Variants in NCKAP5 observed in about 807,000 individuals in gnomAD.
NCKAP5 encodes the protein NCK associated protein 5.
In NCKAP5, 92 loss-of-function variants were observed where a neutral mutation model predicts 167.0. The ratio of observed to expected loss-of-function variants is 0.55; its 90% CI spans 0.47 to 0.66. The LOEUF (loss-of-function observed/expected upper bound fraction) is 0.66, where lower values mean the gene tolerates loss of function less well. Ranked by LOEUF, NCKAP5 falls within the 30% of genes least tolerant of loss-of-function variation. NCKAP5 has a pLI of 0.00. For missense variants in NCKAP5, 2,378 were observed against 2,315.0 expected, an observed-to-expected ratio of 1.03 and a Z score of -0.56; for synonymous variants, 891 against 877.4, an observed-to-expected ratio of 1.02 and a Z score of -0.27.
At chr2:133,382,584 G>A (rs1686604491) in intron 3 of NCKAP5, among the ~76,000 whole-genome samples, 1 of 152,036 alleles carries the variant, frequency 6.6e-6, no homozygotes, top group African/African-American at 2.4e-5. Context: ...CTTTATACAT[G>A]CTACCTCCTC....
chr2:133,230,854 T>G lies in NCKAP5; in HGVS notation c.144-17075A>C, dbSNP rs896207355. On this transcript the variant is annotated intron_variant, in intron 4 of 19. Coordinates refer to ENST00000409261, the MANE Select transcript of NCKAP5 (RefSeq NM_207363.3). ...TCTCTTTGTTTTTACAGGTAAAGGA[T>G]TAGAAATCACTGTGACAAGTTTGTT... Among the ~76,000 whole-genome samples the G allele has an allele frequency of 4.6e-5, 7 of 152,332 alleles. No individual in the cohort carries two copies. In the Middle Eastern group the frequency reaches 0.01, roughly 222 times the overall value.
chr2:133,504,741 G>A (rs989777718), intron 3 of NCKAP5, among the ~76,000 whole-genome samples: 4 of 152,160 alleles, frequency 2.6e-5, no homozygotes, highest in Admixed American at 2.6e-4. Flanking sequence ...CTGGCGAGGG[G>A]CCAGTTCCCA....
chr2:132,861,036 T>G (rs570378012), intron 10 of NCKAP5, among the ~76,000 whole-genome samples: 53 of 152,052 alleles, frequency 3.5e-4, no homozygotes, highest in African/African-American at 1.2e-3. Context: ...TCTGATGGAG[T>G]TTTTCATTGT....
chr2:133,669,700 A>T, the NCKAP5 span, among the ~76,000 whole-genome samples: 1 of 152,228 alleles, frequency 6.6e-6, no homozygotes, highest in African/African-American at 2.4e-5. Context: ...AACATATGGC[A>T]TGGGTGGAGC....
intron 5 of NCKAP5, among the ~76,000 whole-genome samples, chr2:133,177,874 G>A (rs764266397): frequency 3.9e-5 from 6 of 152,176 alleles, no homozygotes; most frequent in South Asian, 2.1e-4. Context: ...ACAATTCCCC[G>A]TTGGGGTGGT....
At chr2:133,207,538 G>A (rs1222800415) in intron 5 of NCKAP5, among the ~76,000 whole-genome samples, 1 of 152,096 alleles carries the variant, frequency 6.6e-6, no homozygotes, top group East Asian at 1.9e-4. Flanking sequence ...GGAACCAGGT[G>A]ACCTTGGAAA....
In NCKAP5 at chr2:133,072,211, G is replaced by A. The variant is rs951952318; in HGVS notation, c.341+57767C>T. The stretch of plus-strand genomic sequence containing the variant: ...GCAATTCTCCTGCCTCAGCCTTCAT[G>A]AGAAGCTGGGATTACAGCTGTGCAC... On this transcript the variant is annotated intron_variant, in intron 6 of 19. Transcript: ENST00000409261. Among the ~76,000 whole-genome samples, 10 of 151,840 alleles carry A rather than the reference G, an allele frequency of 6.6e-5. 1 individual carries two copies. The highest frequency in any genetic ancestry group is 6.6e-4 in the Admixed American group (10 of 15,226).
intron 3 of NCKAP5, among the ~76,000 whole-genome samples, chr2:133,446,072 G>T (rs1226595897): frequency 6.6e-6 from 1 of 152,138 alleles, no homozygotes; most frequent in Non-Finnish European, 1.5e-5. Flanking sequence ...AAGAGAGGAG[G>T]TGAGAACCAA....
chr2:133,603,656 A>G, the NCKAP5 span, among the ~76,000 whole-genome samples: 1 of 152,144 alleles, frequency 6.6e-6, no homozygotes, highest in African/African-American at 2.4e-5. Context: ...CTCCTGCCTC[A>G]GCCTCCCCAG....
At chr2:132,700,918 C>G (rs1034125886) in intron 19 of NCKAP5, among the ~76,000 whole-genome samples, 8 of 92,720 alleles carry the variant, frequency 8.6e-5, no homozygotes, top group African/African-American at 4.6e-4. Context: ...ATGCTGGTTA[C>G]AATCCCCTGG....
chr2:132,935,059 G>A (rs190339288), intron 8 of NCKAP5, among the ~76,000 whole-genome samples: 40 of 152,318 alleles, frequency 2.6e-4, no homozygotes, highest in African/African-American at 9.6e-4. Context: ...TTGGTTCAGG[G>A]AAGAGTATTT....
chr2:133,287,583 G>A (rs1679242178), intron 4 of NCKAP5, among the ~76,000 whole-genome samples: 1 of 152,178 alleles, frequency 6.6e-6, no homozygotes, highest in Admixed American at 6.5e-5. Context: ...TCAACCCTGT[G>A]TTAGTCATCA....
At chr2:132,959,567 G>A (rs1161224895) in intron 8 of NCKAP5, among the ~76,000 whole-genome samples, 1 of 152,170 alleles carries the variant, frequency 6.6e-6, no homozygotes, top group Non-Finnish European at 1.5e-5. Flanking sequence ...GGAGTGTCAG[G>A]AGTGGGGCCT....
intron 3 of NCKAP5, among the ~76,000 whole-genome samples, chr2:133,464,773 T>C (rs1692436689): frequency 1.3e-5 from 2 of 151,878 alleles, no homozygotes; most frequent in African/African-American, 4.8e-5. Context: ...CAGTGAGGAG[T>C]AGAAAACTTG....
chr2:133,465,315 A>C lies in NCKAP5; in HGVS notation c.69+52143T>G, dbSNP rs1431361419. Among the ~76,000 whole-genome samples, 6 of 152,044 alleles carry C rather than the reference A, an allele frequency of 3.9e-5. No individual in the cohort carries two copies. In the South Asian group the frequency reaches 1.2e-3, roughly 32 times the overall value. Reference sequence around the variant, plus strand: ...AGAATGATGATTTCCCATTTTATCCATGTCCCTACAAAGGACATGAACTCA... The same window carrying C: ...AGAATGATGATTTCCCATTTTATCCCTGTCCCTACAAAGGACATGAACTCA... On this transcript the variant is annotated intron_variant, in intron 3 of 19. Transcript: ENST00000409261.
chr2:133,304,740 C>A (rs78132016), intron 3 of NCKAP5, among the ~76,000 whole-genome samples: 1 of 152,122 alleles, frequency 6.6e-6, no homozygotes, highest in African/African-American at 2.4e-5. Context: ...CTGTTAGATG[C>A]GAAGAGCTGT....
At chr2:133,189,421 A>G (rs1045899027) in intron 5 of NCKAP5, among the ~76,000 whole-genome samples, 3 of 152,052 alleles carry the variant, frequency 2.0e-5, no homozygotes, top group Non-Finnish European at 4.4e-5. Context: ...AGAATCCTCC[A>G]TAATTCATTT....
At chr2:133,354,886 A>G (rs998150299) in intron 3 of NCKAP5, among the ~76,000 whole-genome samples, 5 of 152,204 alleles carry the variant, frequency 3.3e-5, no homozygotes, top group African/African-American at 4.8e-5. Context: ...TTAACTAGAT[A>G]TATTCTGAGT....
Position 132,782,569 on chromosome 2 carries a change from G to A in NCKAP5, c.4242C>T (p.Cys1414=). ...CAGGGCAGTCTGTTGGGGTGGGTGG[G>A]CAACTGCGGCGGTCACTGCCTGGTT... The part of the protein sequence containing the change: ...LGEPGSDRRS[C]PPTPTDCPEA... Residue 1414 remains cysteine, a synonymous_variant, in exon 14 of 20, where the codon TGC becomes TGT. Coordinates refer to ENST00000409261, the MANE Select transcript of NCKAP5 (RefSeq NM_207363.3). 1 of 1,582,666 alleles carries A rather than the reference G, an allele frequency of 6.3e-7. No individual in the cohort carries two copies. The highest frequency in any genetic ancestry group is 8.6e-7 in the Non-Finnish European group (1 of 1,164,184).
Sources: gnomAD v4.1 joint callset for allele counts (sites outside exome capture counted in the v4.1 genomes callset) on GRCh38, gnomAD v4.1.1 for gene constraint, MANE v1.5 for transcripts, NCBI Gene and HGNC (gene_info 2026-07-23, HGNC 2026-07-21) for gene names.